CNTNAP2: variants seen among roughly 807,000 people sequenced by gnomAD.
CNTNAP2 encodes contactin associated protein 2, also known as contactin-associated protein-like 2.
A neutral mutation model predicts 155.2 loss-of-function variants in CNTNAP2; 98 were observed. The observed-to-expected ratio is 0.63, with a 90% CI of 0.54 to 0.75. The LOEUF is 0.75. CNTNAP2 is among the 30% of genes least tolerant of loss of function. The pLI, the probability that CNTNAP2 is intolerant of heterozygous loss-of-function variation, is 0.00. For missense variants in CNTNAP2, 1,727 were observed against 1,688.1 expected (o/e 1.02, Z -0.40); for synonymous variants, 651 against 631.2 (o/e 1.03, Z -0.47).
chr7:146,475,001 GCGCGCGCGCGCGCA>G (rs1563098230), intron 1 of CNTNAP2, among the ~76,000 whole-genome samples: 2 of 126,982 alleles, frequency 1.6e-5, no homozygotes, highest in African/African-American at 6.1e-5. Context: ...GAGCGCGCAC[GCGCGCGCGCGCGCA>G]CACACACACA....
intron 8 of CNTNAP2, among the ~76,000 whole-genome samples, chr7:147,252,525 C>T (rs772731241): frequency 1.3e-4 from 19 of 151,986 alleles, no homozygotes; most frequent in Non-Finnish European, 2.8e-4. Context: ...CAATTGCTTC[C>T]TCTATAAAGC....
intron 10 of CNTNAP2, among the ~76,000 whole-genome samples, chr7:147,417,357 A>G (rs891314847): frequency 6.6e-6 from 1 of 152,192 alleles, no homozygotes; most frequent in Non-Finnish European, 1.5e-5. Flanking sequence ...TTCCCAGGTC[A>G]TGGATGGCCA....
At chr7:146,681,048 T>C (rs168256) in intron 1 of CNTNAP2, among the ~76,000 whole-genome samples, 7,499 of 152,154 alleles carry the variant, frequency 0.049, 669 homozygotes, top group African/African-American at 0.17. Context: ...ATGCTACAAC[T>C]TTTGAATACT....
chr7:147,342,345 A>T (rs1433563525), intron 9 of CNTNAP2, among the ~76,000 whole-genome samples: 1 of 124,044 alleles, frequency 8.1e-6, no homozygotes, highest in African/African-American at 2.8e-5. Flanking sequence ...TCAAAGAAAA[A>T]ATATGTCTAT....
chr7:147,666,427 A>G (rs1795698242), intron 13 of CNTNAP2, among the ~76,000 whole-genome samples: 1 of 152,166 alleles, frequency 6.6e-6, no homozygotes, highest in African/African-American at 2.4e-5. Flanking sequence ...AAACAAACCC[A>G]CTGTGCTTCC....
chr7:146,619,010 G>T (rs1308150635), intron 1 of CNTNAP2, among the ~76,000 whole-genome samples: 1 of 151,442 alleles, frequency 6.6e-6, no homozygotes, highest in African/African-American at 2.4e-5. Flanking sequence ...GGAGGCAGAG[G>T]TTGCAGTGAG....
intron 22 of CNTNAP2, among the ~76,000 whole-genome samples, chr7:148,396,101 G>A (rs1366448879): frequency 1.3e-5 from 2 of 152,152 alleles, no homozygotes; most frequent in African/African-American, 2.4e-5. Flanking sequence ...CCTGTGTCAC[G>A]TGGGGCTGGC....
intron 3 of CNTNAP2, among the ~76,000 whole-genome samples, chr7:147,042,456 G>A (rs546592215): frequency 1.1e-3 from 164 of 152,202 alleles, no homozygotes; most frequent in African/African-American, 3.9e-3. Context: ...CGGGGAATGC[G>A]GGTTGGATAA....
intron 3 of CNTNAP2, among the ~76,000 whole-genome samples, chr7:146,905,480 G>C (rs1198263350): frequency 6.6e-6 from 1 of 152,100 alleles, no homozygotes; most frequent in Non-Finnish European, 1.5e-5. Context: ...TCCAGCAGAA[G>C]TTTGGAGTAA....
intron 21 of CNTNAP2, among the ~76,000 whole-genome samples, chr7:148,327,701 T>C (rs749271234): frequency 6.6e-6 from 1 of 152,198 alleles, no homozygotes; most frequent in Non-Finnish European, 1.5e-5. Flanking sequence ...ACACTCACTG[T>C]CTTGCAAATT....
intron 3 of CNTNAP2, among the ~76,000 whole-genome samples, chr7:146,952,295 A>G (rs1232526279): frequency 1.3e-5 from 2 of 152,180 alleles, no homozygotes; most frequent in African/African-American, 4.8e-5. Flanking sequence ...AATAAGAGCT[A>G]TTTATGACAG....
intron 10 of CNTNAP2, among the ~76,000 whole-genome samples, chr7:147,423,850 T>G (rs2116513720): frequency 6.6e-6 from 1 of 152,340 alleles, no homozygotes; most frequent in East Asian, 1.9e-4. Context: ...TTCACTCATG[T>G]GCTCACTTCC....
intron 1 of CNTNAP2, among the ~76,000 whole-genome samples, chr7:146,317,034 A>G (rs901963405): frequency 2.6e-5 from 4 of 152,224 alleles, no homozygotes; most frequent in African/African-American, 9.6e-5. Flanking sequence ...ACCATGATGG[A>G]TAATACCACA....
intron 1 of CNTNAP2, among the ~76,000 whole-genome samples, chr7:146,728,237 T>C (rs1801465545): frequency 6.6e-6 from 1 of 151,872 alleles, no homozygotes. Context: ...ATAATAATAA[T>C]AATAGGGGTC....
chr7:146,386,068 C>T (rs1051482164), intron 1 of CNTNAP2, among the ~76,000 whole-genome samples: 2 of 152,168 alleles, frequency 1.3e-5, no homozygotes, highest in Admixed American at 1.3e-4. Context: ...GGACAACTTG[C>T]TGTCCTGCTC....
chr7:146,717,017 T>C (rs1801199913), intron 1 of CNTNAP2, among the ~76,000 whole-genome samples: 1 of 151,916 alleles, frequency 6.6e-6, no homozygotes, highest in Non-Finnish European at 1.5e-5. Flanking sequence ...GGCAAACAAC[T>C]CCAAGATTGG....
At chr7:147,822,180 C>G (rs931543130) in intron 13 of CNTNAP2, among the ~76,000 whole-genome samples, 24 of 152,006 alleles carry the variant, frequency 1.6e-4, no homozygotes, top group African/African-American at 4.3e-4. Context: ...GATGGACTCT[C>G]TATTTTATAC....
intron 8 of CNTNAP2, among the ~76,000 whole-genome samples, chr7:147,156,249 T>C (rs747863114): frequency 1.3e-5 from 2 of 152,170 alleles, no homozygotes; most frequent in African/African-American, 2.4e-5. Flanking sequence ...GGTCCATTGA[T>C]AGGTTAAAAC....
chr7:147,920,784 C>T (rs571551682), intron 14 of CNTNAP2, among the ~76,000 whole-genome samples: 5 of 149,882 alleles, frequency 3.3e-5, no homozygotes, highest in Admixed American at 6.7e-5. Context: ...TGCAATTTCA[C>T]GTATGTGCTT....
Sources: allele counts gnomAD v4.1 joint callset (sites outside exome capture counted in the v4.1 genomes callset), GRCh38; gene constraint gnomAD v4.1.1; transcripts MANE v1.5; gene names NCBI Gene and HGNC (gene_info 2026-07-23, HGNC 2026-07-21).